The following SEMA6D variants were observed in gnomAD, a reference collection of about 807,000 sequenced individuals.
The protein encoded by SEMA6D is semaphorin-6D.
Under a neutral mutation model 106.6 loss-of-function variants are expected in SEMA6D, and 35 were observed. The ratio of observed to expected loss-of-function variants is 0.33; its 90% CI spans 0.25 to 0.44. SEMA6D has a LOEUF of 0.44. Among genes scored for constraint, SEMA6D ranks in the 20% least tolerant of loss-of-function variants. The pLI is 1.00. For missense variants in SEMA6D, 1,185 were observed against 1,345.9 expected (o/e 0.88, Z 1.87); for synonymous variants, 499 against 487.7 (o/e 1.02, Z -0.31).
chr15:47,226,530 C>T (rs987212709), intron 1 of SEMA6D, among the ~76,000 whole-genome samples: 2 of 152,022 alleles, frequency 1.3e-5, no homozygotes, highest in African/African-American at 4.8e-5. Context: ...GCATGCAGAG[C>T]CTTTTCATTC....
At chr15:47,768,812 G>GATC in intron 18 of SEMA6D, 64 bp downstream of exon 18, 1 of 1,503,926 alleles carries the variant, frequency 6.6e-7, no homozygotes, top group Non-Finnish European at 9.0e-7. Flanking sequence ...TGTCACTGAG[G>GATC]AGTATGTGGT....
intron 4 of SEMA6D, among the ~76,000 whole-genome samples, chr15:47,616,159 A>T (rs545713620): frequency 1.4e-4 from 21 of 149,900 alleles, no homozygotes; most frequent in African/African-American, 5.2e-4. Context: ...ACCTTGACTT[A>T]AAATCTTTTT....
intron 3 of SEMA6D, among the ~76,000 whole-genome samples, chr15:47,574,648 C>T (rs1403647333): frequency 6.6e-6 from 1 of 152,120 alleles, no homozygotes; most frequent in Non-Finnish European, 1.5e-5. Flanking sequence ...CATTCCTATG[C>T]AGAGACATAA....
chr15:47,349,792 A>G (rs2038240920), intron 1 of SEMA6D, among the ~76,000 whole-genome samples: 1 of 152,202 alleles, frequency 6.6e-6, no homozygotes. Context: ...ATGTGGTAGA[A>G]TATATTCAAG....
At chr15:47,357,693 G>A (rs1162675925) in intron 1 of SEMA6D, among the ~76,000 whole-genome samples, 1 of 152,122 alleles carries the variant, frequency 6.6e-6, no homozygotes, top group African/African-American at 2.4e-5. Context: ...CCCACATTAA[G>A]GGTGGGTCTG....
At chr15:47,563,080 A>G (rs1198823401) in intron 3 of SEMA6D, among the ~76,000 whole-genome samples, 1 of 152,188 alleles carries the variant, frequency 6.6e-6, no homozygotes, top group African/African-American at 2.4e-5. Flanking sequence ...CTAGGTGTAA[A>G]AGACTACATA....
At chr15:47,556,218 GGAA>G (rs1427542573) in intron 3 of SEMA6D, among the ~76,000 whole-genome samples, 1 of 152,060 alleles carries the variant, frequency 6.6e-6, no homozygotes, top group East Asian at 1.9e-4. Flanking sequence ...GAATCAAAAT[GGAA>G]GAAGAAAATT....
At chr15:47,568,884 ATATTAT>A (rs1464229693) in intron 3 of SEMA6D, among the ~76,000 whole-genome samples, 1 of 152,036 alleles carries the variant, frequency 6.6e-6, no homozygotes, top group African/African-American at 2.4e-5. Flanking sequence ...ATTACGAATA[ATATTAT>A]TAATATTATT....
intron 1 of SEMA6D, among the ~76,000 whole-genome samples, chr15:47,262,213 A>G (rs2142096221): frequency 6.6e-6 from 1 of 152,306 alleles, no homozygotes; most frequent in Middle Eastern, 3.4e-3. Flanking sequence ...AAAATATTTC[A>G]TGCCCATGCA....
At chr15:47,370,828 T>C (rs1390940180) in intron 1 of SEMA6D, among the ~76,000 whole-genome samples, 1 of 152,056 alleles carries the variant, frequency 6.6e-6, no homozygotes, top group Non-Finnish European at 1.5e-5. Context: ...ATCGTGCCAC[T>C]GCACTCCAGC....
At chr15:47,337,385 T>G (rs767692461) in intron 1 of SEMA6D, among the ~76,000 whole-genome samples, 1 of 152,206 alleles carries the variant, frequency 6.6e-6, no homozygotes, top group African/African-American at 2.4e-5. Context: ...AGGCCCTGAT[T>G]ATAGCTGGCA....
At chr15:47,360,098 C>T (rs555745636) in intron 1 of SEMA6D, 1 of 152,136 alleles carries the variant, frequency 6.6e-6, no homozygotes, top group South Asian at 2.1e-4. Context: ...TTCATTCTGC[C>T]TGTAAAATAA....
At chr15:47,482,272 T>G (rs1168820653) in intron 3 of SEMA6D, among the ~76,000 whole-genome samples, 1 of 152,120 alleles carries the variant, frequency 6.6e-6, no homozygotes, top group Non-Finnish European at 1.5e-5. Flanking sequence ...TTAAAGATAG[T>G]AAAGAGGAAT....
At chr15:47,689,239 C>G (rs555424173) in intron 4 of SEMA6D, among the ~76,000 whole-genome samples, 1 of 152,264 alleles carries the variant, frequency 6.6e-6, no homozygotes, top group Non-Finnish European at 1.5e-5. Flanking sequence ...TCAGTCACCC[C>G]TTTGAATTTC....
At position 47,761,374 on chromosome 15, in the gene SEMA6D, T is replaced by C. The variant is rs140523651; in HGVS notation, c.390T>C (p.Asp130=). 93 of 1,609,590 alleles carry C rather than the reference T, an allele frequency of 5.8e-5. No individual in the cohort carries two copies. The African/African-American group carries it at 1.0e-3, about 18-fold the overall frequency. The change falls in exon 6 of 19, where the codon GAT becomes GAC. Residue 130 remains aspartate, a synonymous_variant. Coordinates refer to ENST00000536845, the MANE Select transcript of SEMA6D (RefSeq NM_001358351.3). Reference sequence around the variant, plus strand: ...TCAAAGTATTTGTTCCAAGAAACGATGAGATGGTTTTTGTTTGTGGTACCA... The same window carrying C: ...TCAAAGTATTTGTTCCAAGAAACGACGAGATGGTTTTTGTTTGTGGTACCA... ...NFIKVFVPRN[D]EMVFVCGTNA... is the part of the protein sequence containing the mutation.
intron 4 of SEMA6D, among the ~76,000 whole-genome samples, chr15:47,607,273 C>T (rs1463899295): frequency 2.6e-5 from 4 of 152,186 alleles, no homozygotes; most frequent in Admixed American, 6.6e-5. Flanking sequence ...TCTGGCATGA[C>T]ACTTTATAAT....
At chr15:47,605,666 G>C (rs760243962) in intron 4 of SEMA6D, among the ~76,000 whole-genome samples, 50 of 152,242 alleles carry the variant, frequency 3.3e-4, no homozygotes, top group Middle Eastern at 3.4e-3. Context: ...TAATTTGCTA[G>C]AATTACTCAC....
intron 4 of SEMA6D, among the ~76,000 whole-genome samples, chr15:47,621,848 A>G (rs957767575): frequency 6.6e-6 from 1 of 152,238 alleles, no homozygotes; most frequent in East Asian, 1.9e-4. Flanking sequence ...AAGGTAGTAC[A>G]TATAGAAGAC....
intron 1 of SEMA6D, among the ~76,000 whole-genome samples, chr15:47,753,051 A>G (rs11629796): frequency 0.24 from 36,723 of 151,836 alleles, 4,614 homozygotes; most frequent in South Asian, 0.33. Context: ...TGTATTTGGC[A>G]ATGGGAAAGG....
Sources: allele counts gnomAD v4.1 joint callset (sites outside exome capture counted in the v4.1 genomes callset), GRCh38; gene constraint gnomAD v4.1.1; transcripts MANE v1.5; gene names NCBI Gene and HGNC (gene_info 2026-07-23, HGNC 2026-07-21).